The following SERPINE2 variants were observed in gnomAD, a reference collection of about 807,000 sequenced individuals.
SERPINE2 encodes the protein glia-derived nexin.
A neutral mutation model predicts 36.3 loss-of-function variants in SERPINE2; 14 were observed. The ratio of observed to expected loss-of-function variants is 0.39; its 90% CI spans 0.25 to 0.60. The LOEUF (loss-of-function observed/expected upper bound fraction) is 0.60. SERPINE2 is among the 20% of genes least tolerant of loss of function. SERPINE2 has a pLI of 0.57. For synonymous variants in SERPINE2, 192 were observed against 191.8 expected (o/e 1.00, Z -0.01); for missense variants, 418 against 499.6 (o/e 0.84, Z 1.56).
intron 1 of SERPINE2, among the ~76,000 whole-genome samples, chr2:224,008,870 G>A (rs550177074): frequency 1.6e-4 from 25 of 152,324 alleles, no homozygotes; most frequent in Non-Finnish European, 3.2e-4. Flanking sequence ...GAGCCAGACT[G>A]GTGACTGTTT....
At chr2:224,018,988 T>C (rs1477116958) in intron 1 of SERPINE2, among the ~76,000 whole-genome samples, 4 of 152,174 alleles carry the variant, frequency 2.6e-5, no homozygotes, top group African/African-American at 7.2e-5. Context: ...GACTTCTCCA[T>C]GCTCTTGCAA....
At chr2:224,000,534 TTTTC>T (rs1305999387) in intron 2 of SERPINE2, among the ~76,000 whole-genome samples, 2 of 152,206 alleles carry the variant, frequency 1.3e-5, no homozygotes, top group East Asian at 1.9e-4. Flanking sequence ...TATCTGTATC[TTTTC>T]TTTAAGCTCT....
At position 224,005,062 on chromosome 2, in the gene SERPINE2, A is replaced by AT. The variant is rs1262774333; in HGVS notation, c.-22-3141dup. On this transcript the variant is annotated intron_variant, in intron 1 of 8. Coordinates refer to ENST00000409304, the MANE Select transcript of SERPINE2 (RefSeq NM_001136528.2). Reference sequence around the variant, plus strand: ...TAAATATATTTTATATATTTTATATATATTATATATATATATATATATATA... The same window carrying AT: ...TAAATATATTTTATATATTTTATATATTATTATATATATATATATATATATA... 3.3e-4 allele frequency among the ~76,000 whole-genome samples: 4 copies of AT among 12,228 alleles called. 1 individual carries two copies. The highest frequency in any genetic ancestry group is 8.0e-4 in the African/African-American group (2 of 2,510). 8.0% of individuals were successfully genotyped at this position (12,228 alleles called of 152,430 possible). A position where few individuals can be genotyped will look rare whatever the true frequency, so the allele number is the denominator to read the frequency against.
At chr2:224,002,425 C>A (rs1460565021) in intron 1 of SERPINE2, among the ~76,000 whole-genome samples, 2 of 152,080 alleles carry the variant, frequency 1.3e-5, no homozygotes, top group Non-Finnish European at 2.9e-5. Flanking sequence ...AGCAAACTTC[C>A]ATCTCTTGGG....
At chr2:223,992,736 A>G (rs932878155) in intron 3 of SERPINE2, among the ~76,000 whole-genome samples, 1 of 152,232 alleles carries the variant, frequency 6.6e-6, no homozygotes, top group African/African-American at 2.4e-5. Flanking sequence ...AATTACTCTA[A>G]TTTGATCATT....
At chr2:223,976,829 A>G (rs985518995) in intron 8 of SERPINE2, among the ~76,000 whole-genome samples, 1 of 152,206 alleles carries the variant, frequency 6.6e-6, no homozygotes, top group African/African-American at 2.4e-5. Flanking sequence ...GTGGGCTTAC[A>G]AAGTGGTATG....
chr2:224,012,339 G>A (rs1262170925), intron 1 of SERPINE2, among the ~76,000 whole-genome samples: 1 of 152,162 alleles, frequency 6.6e-6, no homozygotes, highest in African/African-American at 2.4e-5. Flanking sequence ...TCCTTTGGCT[G>A]TTAAGAACCT....
intron 1 of SERPINE2, chr2:224,010,198 T>C: frequency 4.6e-6 from 1 of 216,560 alleles, no homozygotes; most frequent in Non-Finnish European, 7.9e-6. Context: ...TTGGTAGTTT[T>C]AAAATGTGTT....
chr2:224,028,672 A>G (rs558701967), intron 1 of SERPINE2, among the ~76,000 whole-genome samples: 5 of 152,268 alleles, frequency 3.3e-5, no homozygotes, highest in South Asian at 2.1e-4. Flanking sequence ...TCTACCTTAC[A>G]AGGGTTGTTA....
At chr2:223,999,090 TTC>T (rs2106160537) in intron 2 of SERPINE2, among the ~76,000 whole-genome samples, 1 of 152,332 alleles carries the variant, frequency 6.6e-6, no homozygotes, top group East Asian at 1.9e-4. Context: ...ACAATGTAAT[TTC>T]TTTTTTTCTA....
chr2:224,031,603 C>T (rs1692374315), intron 1 of SERPINE2: 1 of 612,092 alleles, frequency 1.6e-6, no homozygotes, highest in Non-Finnish European at 2.0e-6. Context: ...CACTCCTCTG[C>T]CCACAGCCAT....
chr2:224,002,467 A>T (rs1008306193), intron 1 of SERPINE2, among the ~76,000 whole-genome samples: 3 of 151,876 alleles, frequency 2.0e-5, no homozygotes, highest in Admixed American at 6.6e-5. Flanking sequence ...TATACTAATC[A>T]TTATTTAATT....
At position 223,975,846 on chromosome 2, in the gene SERPINE2, A is replaced by G; in HGVS notation, c.*21T>C. 1 of 1,559,358 alleles carries G rather than the reference A, an allele frequency of 6.4e-7. No individual in the cohort carries two copies. Among genetic ancestry groups the G allele is most frequent in the Non-Finnish European group, 8.7e-7 (1 of 1,145,576 alleles). The stretch of plus-strand genomic sequence containing the variant: ...CGTAGCAAAGTAGTCGTTGCTTTGC[A>G]TGGTTTCTTTTGTATACTCTTCAGG... On this transcript the variant is annotated 3_prime_UTR_variant, in exon 9 of 9. Transcript: ENST00000409304.
intron 1 of SERPINE2, among the ~76,000 whole-genome samples, chr2:224,018,314 TAAG>T (rs1322936611): frequency 6.6e-6 from 1 of 152,212 alleles, no homozygotes; most frequent in African/African-American, 2.4e-5. Context: ...CATAATTCTT[TAAG>T]AAGTTTTAGT....
At chr2:223,977,278 C>G (rs6734100) in intron 8 of SERPINE2, among the ~76,000 whole-genome samples, 16,565 of 152,220 alleles carry the variant, frequency 0.11, 1,057 homozygotes, top group Middle Eastern at 0.18. Context: ...CAAAAGTGTT[C>G]CAAAGGGATG....
intron 1 of SERPINE2, among the ~76,000 whole-genome samples, chr2:224,020,496 A>C (rs1691960706): frequency 6.6e-6 from 1 of 152,196 alleles, no homozygotes; most frequent in East Asian, 1.9e-4. Flanking sequence ...ACTAGGACTC[A>C]ACACTGATCT....
At chr2:224,020,101 T>G (rs1402341136) in intron 1 of SERPINE2, among the ~76,000 whole-genome samples, 1 of 152,194 alleles carries the variant, frequency 6.6e-6, no homozygotes, top group Non-Finnish European at 1.5e-5. Context: ...ATCACACAAG[T>G]AATGATGCAT....
rs1390758608 is a variant in SERPINE2, at chr2:224,032,050, C to T, written c.-23+7049G>A. ...CGAGTTATTTTGATTTGGGTTTGTTCTCTTGTAAGCAAAAGATAATGCAGT... is the reference window on the plus strand; with the variant it reads ...CGAGTTATTTTGATTTGGGTTTGTTTTCTTGTAAGCAAAAGATAATGCAGT... On this transcript the variant is annotated intron_variant, in intron 1 of 8. Transcript: ENST00000409304. Among the ~76,000 whole-genome samples the T allele has an allele frequency of 2.0e-5, 3 of 152,170 alleles. No individual in the cohort carries two copies. The East Asian group carries it at 5.8e-4, about 29-fold the overall frequency.
intron 7 of SERPINE2, chr2:223,979,277 C>T (rs1281905465): frequency 1.3e-5 from 2 of 152,176 alleles, no homozygotes; most frequent in Admixed American, 1.3e-4. Context: ...AACTATGTAG[C>T]TGGTCCTGAT....
Sources: gnomAD v4.1 joint callset for allele counts (sites outside exome capture counted in the v4.1 genomes callset) on GRCh38, gnomAD v4.1.1 for gene constraint, MANE v1.5 for transcripts, NCBI Gene and HGNC (gene_info 2026-07-23, HGNC 2026-07-21) for gene names.